Variants in TNNI3K observed in about 807,000 individuals in gnomAD.
The protein encoded by TNNI3K is serine/threonine-protein kinase TNNI3K.
In TNNI3K, 140 loss-of-function variants were observed where a neutral mutation model predicts 114.5. The observed-to-expected ratio is 1.22, with a 90% CI of 1.07 to 1.41. TNNI3K has a LOEUF of 1.41. Ranked by LOEUF, TNNI3K falls within the 40% of genes most tolerant of loss-of-function variation. The pLI is 0.00. For missense variants in TNNI3K, 1,125 were observed against 1,007.6 expected, an observed-to-expected ratio of 1.12 and a Z score of -1.58; for synonymous variants, 347 against 347.5, an observed-to-expected ratio of 1.00 and a Z score of 0.02.
chr1:74,487,103 A>T (rs1454931637), intron 21 of TNNI3K, among the ~76,000 whole-genome samples: 5 of 152,214 alleles, frequency 3.3e-5, no homozygotes, highest in Non-Finnish European at 7.3e-5. Flanking sequence ...AGCTTGAAGG[A>T]GGACGTTAAG....
chr1:74,302,859 C>T (rs1032666079), intron 5 of TNNI3K, among the ~76,000 whole-genome samples: 1 of 152,080 alleles, frequency 6.6e-6, no homozygotes, highest in African/African-American at 2.4e-5. Context: ...ATATTGAAGA[C>T]CTGGTTAAGA....
intron 17 of TNNI3K, among the ~76,000 whole-genome samples, chr1:74,395,588 A>C (rs1256170496): frequency 6.6e-6 from 1 of 152,194 alleles, no homozygotes; most frequent in Non-Finnish European, 1.5e-5. Flanking sequence ...GCATTTTCAG[A>C]GGTTGAGTGT....
Position 74,370,287 on chromosome 1 carries a change from G to T in TNNI3K, c.1668-1G>T. The T allele has an allele frequency of 1.3e-6, 2 of 1,584,774 alleles. No homozygotes were observed. Among genetic ancestry groups the T allele is most frequent in the Non-Finnish European group, 1.7e-6 (2 of 1,164,546 alleles). On this transcript the variant is annotated splice_acceptor_variant, in intron 16 of 24. Coordinates refer to ENST00000326637, the MANE Select transcript of TNNI3K (RefSeq NM_015978.3). LOFTEE classifies it high-confidence loss of function. ...CTGTTAAATCTATTTTTAAATTCTAGGATTCTTGATTTGCAGTCTAAATTA... is the reference window on the plus strand; with the variant it reads ...CTGTTAAATCTATTTTTAAATTCTATGATTCTTGATTTGCAGTCTAAATTA...
At chr1:74,394,512 C>G (rs1293139139) in intron 17 of TNNI3K, among the ~76,000 whole-genome samples, 1 of 152,178 alleles carries the variant, frequency 6.6e-6, no homozygotes, top group Admixed American at 6.5e-5. Context: ...TAGGCCCCTG[C>G]TGGATAGCTG....
chr1:74,494,269 GT>G (rs1240010460), intron 23 of TNNI3K, among the ~76,000 whole-genome samples: 1 of 152,094 alleles, frequency 6.6e-6, no homozygotes, highest in Non-Finnish European at 1.5e-5. Flanking sequence ...GTTAGCAAGG[GT>G]TTCTATACAA....
At chr1:74,251,254 C>A (rs2100848786) in intron 4 of TNNI3K, among the ~76,000 whole-genome samples, 1 of 152,304 alleles carries the variant, frequency 6.6e-6, no homozygotes, top group South Asian at 2.1e-4. Context: ...CTGGCTCCAA[C>A]CTAATCTCAG....
At chr1:74,393,330 A>G (rs192813061) in intron 17 of TNNI3K, among the ~76,000 whole-genome samples, 16 of 152,268 alleles carry the variant, frequency 1.1e-4, no homozygotes, top group African/African-American at 3.8e-4. Flanking sequence ...AATTATTCTC[A>G]AGCATTTTCT....
intron 23 of TNNI3K, among the ~76,000 whole-genome samples, chr1:74,502,536 C>T (rs1403538141): frequency 1.3e-5 from 2 of 152,282 alleles, no homozygotes; most frequent in African/African-American, 4.8e-5. Flanking sequence ...TTAACTTTGC[C>T]AACATGTTTG....
chr1:74,314,890 T>A (rs1442369718), intron 5 of TNNI3K, among the ~76,000 whole-genome samples: 1 of 152,136 alleles, frequency 6.6e-6, no homozygotes, highest in Non-Finnish European at 1.5e-5. Context: ...GTCATTTATA[T>A]CTTATACTTA....
intron 17 of TNNI3K, among the ~76,000 whole-genome samples, chr1:74,424,349 T>G (rs1285258385): frequency 6.6e-6 from 1 of 152,028 alleles, no homozygotes; most frequent in African/African-American, 2.4e-5. Flanking sequence ...AAAATGAGAC[T>G]GTAGTGGATT....
chr1:74,428,956 T>C (rs1665765225), intron 17 of TNNI3K, among the ~76,000 whole-genome samples: 1 of 152,020 alleles, frequency 6.6e-6, no homozygotes, highest in Admixed American at 6.6e-5. Flanking sequence ...AAAAACAGAA[T>C]GTCGGGTGAG....
At chr1:74,257,340 A>C (rs946754678) in intron 4 of TNNI3K, among the ~76,000 whole-genome samples, 17 of 152,138 alleles carry the variant, frequency 1.1e-4, no homozygotes, top group Non-Finnish European at 7.4e-5. Context: ...GACTACTTTA[A>C]ATGTCCAATC....
intron 20 of TNNI3K, among the ~76,000 whole-genome samples, chr1:74,448,248 CTT>C (rs1232312695): frequency 1.3e-4 from 12 of 90,262 alleles, no homozygotes; most frequent in Non-Finnish European, 2.4e-4. Context: ...TACCCTAAAA[CTT>C]AGAGTATAAT....
intron 20 of TNNI3K, among the ~76,000 whole-genome samples, chr1:74,460,079 CT>C (rs776231729): frequency 1.4e-3 from 203 of 146,148 alleles, no homozygotes; most frequent in Non-Finnish European, 1.3e-3. Context: ...CAACATATAA[CT>C]TTTTTTTTTT....
intron 17 of TNNI3K, among the ~76,000 whole-genome samples, chr1:74,409,023 G>A (rs1168279097): frequency 2.6e-5 from 4 of 151,194 alleles, no homozygotes; most frequent in Non-Finnish European, 4.4e-5. Flanking sequence ...CTTCTTAAAG[G>A]TACCAGAATT....
chr1:74,473,610 G>A (rs1441397290), intron 21 of TNNI3K, among the ~76,000 whole-genome samples: 5 of 151,618 alleles, frequency 3.3e-5, no homozygotes, highest in African/African-American at 9.7e-5. Context: ...TGTACTCTCA[G>A]CTCCTAAGGG....
At position 74,282,449 on chromosome 1, in the gene TNNI3K, C is replaced by T. The variant is rs570005110; in HGVS notation, c.444+10741C>T. Among the ~76,000 whole-genome samples the T allele has an allele frequency of 1.6e-4, 25 of 152,022 alleles. 1 individual carries two copies. In the South Asian group the frequency reaches 4.8e-3, roughly 29 times the overall value. On this transcript the variant is annotated intron_variant, in intron 5 of 24. Coordinates refer to ENST00000326637, the MANE Select transcript of TNNI3K (RefSeq NM_015978.3). ...TAACATGCTCATATCTCTGTGTGTG[C>T]ACATGCCTGGCAGCTTGGTCTCTGT...
rs375306409 is a variant in TNNI3K at position 74,515,345 on chromosome 1, C to A, written c.2351+23079C>A. On this transcript the variant is annotated intron_variant, in intron 23 of 24. Transcript: ENST00000326637. Reference sequence around the variant, plus strand: ...TTTTCCTTCATCATTTGGGACTATGCGGAAAACCCACACCTAACCCAGTAT... The same window carrying A: ...TTTTCCTTCATCATTTGGGACTATGAGGAAAACCCACACCTAACCCAGTAT... 5.3e-5 allele frequency among the ~76,000 whole-genome samples: 8 copies of A among 152,174 alleles called. No individual in the cohort carries two copies. The East Asian group carries it at 1.5e-3, about 29-fold the overall frequency.
chr1:74,445,292 C>T (rs1410964289), intron 20 of TNNI3K, among the ~76,000 whole-genome samples: 1 of 144,230 alleles, frequency 6.9e-6, no homozygotes, highest in African/African-American at 2.6e-5. Flanking sequence ...CATATGTATA[C>T]ATGTGCCGTG....
Sources: allele counts gnomAD v4.1 joint callset (sites outside exome capture counted in the v4.1 genomes callset), GRCh38; gene constraint gnomAD v4.1.1; transcripts MANE v1.5; gene names NCBI Gene and HGNC (gene_info 2026-07-23, HGNC 2026-07-21).